Variants in TDP1 observed in about 807,000 individuals in gnomAD.
TDP1 encodes the protein tyr-DNA phosphodiesterase 1.
TDP1 carries 64 observed loss-of-function variants against 81.5 expected under a neutral mutation model. The ratio of observed to expected loss-of-function variants is 0.79; its 90% CI spans 0.64 to 0.97. The LOEUF is 0.97. Ranked by LOEUF, TDP1 falls within the 50% of genes least tolerant of loss-of-function variation. The pLI, the probability that TDP1 is intolerant of heterozygous loss-of-function variation, is 0.00. For synonymous variants in TDP1, 256 were observed against 264.3 expected, an observed-to-expected ratio of 0.97 and a Z score of 0.30; for missense variants, 723 against 743.8, an observed-to-expected ratio of 0.97 and a Z score of 0.33.
intron 14 of TDP1, among the ~76,000 whole-genome samples, chr14:89,998,374 ATATATATATATAT>A (rs1566890652): frequency 4.4e-3 from 14 of 3,170 alleles, no homozygotes; most frequent in African/African-American, 6.0e-3. Context: ...CAAGCACATT[ATATATATATATAT>A]ATATATATAT....
chr14:89,965,937 A>G (rs992928391), intron 3 of TDP1: 1 of 887,200 alleles, frequency 1.1e-6, no homozygotes, highest in Non-Finnish European at 1.3e-6. Flanking sequence ...GCATTGTTTT[A>G]TAAAAGAATG....
At chr14:89,982,259 T>G (rs1233671826) in intron 8 of TDP1, among the ~76,000 whole-genome samples, 3 of 152,176 alleles carry the variant, frequency 2.0e-5, no homozygotes, top group African/African-American at 7.2e-5. Context: ...GAAGTGTGGC[T>G]CTGACTGGTC....
intron 1 of TDP1, chr14:89,956,230 G>A (rs1315989512): frequency 1.3e-5 from 2 of 152,422 alleles, no homozygotes; most frequent in Non-Finnish European, 2.9e-5. Context: ...CCGGGGCGCG[G>A]CGCTAGGGGC....
intron 14 of TDP1, among the ~76,000 whole-genome samples, chr14:90,007,886 C>G (rs533350833): frequency 6.6e-6 from 1 of 152,264 alleles, no homozygotes; most frequent in South Asian, 2.1e-4. Flanking sequence ...CGTGAACCAC[C>G]ATGCCTGGTC....
At chr14:90,019,558 C>T (rs905702692) in intron 15 of TDP1, 140 bp downstream of exon 15, 23 of 691,080 alleles carry the variant, frequency 3.3e-5, no homozygotes, top group South Asian at 2.3e-4. Context: ...CACTCTTAAC[C>T]GCTGGTCTGT....
chr14:89,961,575 C>T lies in TDP1; in HGVS notation c.-7-1533C>T, dbSNP rs78856572. On this transcript the variant is annotated intron_variant, in intron 2 of 16. Transcript: ENST00000335725. ...CACAGAATCTATTCTGCCAGTCTTA[C>T]GATCTCTGGTCAGTTGTGTTTAAAC... Among the ~76,000 whole-genome samples the T allele has an allele frequency of 1.3e-5, 2 of 152,194 alleles. 1 individual carries two copies.
At chr14:90,026,633 C>T (rs1252978710) in intron 15 of TDP1, among the ~76,000 whole-genome samples, 1 of 152,264 alleles carries the variant, frequency 6.6e-6, no homozygotes, top group African/African-American at 2.4e-5. Context: ...CGACAGGCCC[C>T]GGTGTGTGGT....
intron 10 of TDP1, among the ~76,000 whole-genome samples, chr14:89,986,568 T>C (rs949764053): frequency 4.6e-5 from 7 of 152,212 alleles, no homozygotes; most frequent in African/African-American, 1.7e-4. Flanking sequence ...TCAAACCACT[T>C]TTTACACACA....
intron 6 of TDP1, 107 bp downstream of exon 6, chr14:89,971,378 A>G: frequency 1.3e-6 from 1 of 794,404 alleles, no homozygotes; most frequent in Non-Finnish European, 2.2e-6. Context: ...CTCCAGCATC[A>G]GTCATCAATA....
At chr14:89,955,803 C>T (rs1161369837), upstream of TDP1, 1 of 152,114 alleles carries the variant, frequency 6.6e-6, no homozygotes, top group Non-Finnish European at 1.5e-5. Flanking sequence ...CAGCCCCGTC[C>T]TGGGTAAACA....
chr14:89,970,359 C>T (rs918698950), intron 5 of TDP1, among the ~76,000 whole-genome samples: 14 of 152,258 alleles, frequency 9.2e-5, no homozygotes, highest in Non-Finnish European at 1.6e-4. Context: ...AGTGAAGCTG[C>T]GTCATGCTGT....
chr14:89,997,877 C>T (rs985989615), intron 14 of TDP1, among the ~76,000 whole-genome samples: 20 of 152,074 alleles, frequency 1.3e-4, no homozygotes, highest in African/African-American at 4.8e-4. Context: ...TACTGAGCAC[C>T]TACTATGCAC....
chr14:89,999,617 G>A (rs1897020253), intron 14 of TDP1, among the ~76,000 whole-genome samples: 1 of 152,092 alleles, frequency 6.6e-6, no homozygotes, highest in South Asian at 2.1e-4. Flanking sequence ...AAAAATTATA[G>A]GAGTAATAAG....
At chr14:90,037,065 G>A (rs540825006) in intron 16 of TDP1, among the ~76,000 whole-genome samples, 83 of 152,268 alleles carry the variant, frequency 5.5e-4, no homozygotes, top group African/African-American at 1.9e-3. Flanking sequence ...TCCTGCCTTG[G>A]CCTCCCAGAG....
At position 89,966,159 on chromosome 14, in the gene TDP1, C is replaced by A; in HGVS notation, c.572C>A (p.Pro191His). The change falls in exon 4 of 17, where the codon CCT (proline) becomes CAT (histidine). Residue 191 changes from proline to histidine, a missense_variant. Transcript: ENST00000335725. ...TTTGTCTTCTCAGATATTTTATCTC[C>A]TTTATTTGGGACGCTTGTTTCTTCA... is the stretch of plus-strand genomic sequence containing the variant. ...GALHIKDILS[P>H]LFGTLVSSAQ... The A allele has an allele frequency of 6.2e-7, 1 of 1,605,886 alleles. No individual in the cohort carries two copies. Among genetic ancestry groups the A allele is most frequent in the Non-Finnish European group, 8.5e-7 (1 of 1,172,684 alleles).
At chr14:89,993,523 A>C (rs766540978) in intron 14 of TDP1, 40 bp downstream of exon 14, 7 of 1,605,856 alleles carry the variant, frequency 4.4e-6, no homozygotes, top group Non-Finnish European at 5.1e-6. Flanking sequence ...AAATCTTTTT[A>C]ATGTGTTCAT....
At chr14:89,995,846 A>C (rs34792766) in intron 14 of TDP1, among the ~76,000 whole-genome samples, 2 of 152,168 alleles carry the variant, frequency 1.3e-5, no homozygotes, top group African/African-American at 4.8e-5. Flanking sequence ...ATGTTTGGCA[A>C]ACATTTGCTG....
intron 2 of TDP1, among the ~76,000 whole-genome samples, chr14:89,959,079 A>G (rs1892022706): frequency 6.6e-6 from 1 of 152,206 alleles, no homozygotes; most frequent in Non-Finnish European, 1.5e-5. Context: ...ATTGGAATGG[A>G]AAGGGAAGTA....
intron 11 of TDP1, chr14:89,989,328 C>T (rs35734354): frequency 2.8e-5 from 28 of 985,200 alleles, no homozygotes; most frequent in Non-Finnish European, 3.3e-5. Context: ...AGCTCCATTG[C>T]AGACACAGAC....
Sources: gnomAD v4.1 joint callset for allele counts (sites outside exome capture counted in the v4.1 genomes callset) on GRCh38, gnomAD v4.1.1 for gene constraint, MANE v1.5 for transcripts, NCBI Gene and HGNC (gene_info 2026-07-23, HGNC 2026-07-21) for gene names.